FHOD1: variants seen among roughly 807,000 people sequenced by gnomAD.
FHOD1 encodes formin homology 2 domain containing 1.
FHOD1 carries 89 observed loss-of-function variants against 111.6 expected under a neutral mutation model. That is an observed-to-expected ratio of 0.80 (90% CI 0.67 to 0.95). The LOEUF (loss-of-function observed/expected upper bound fraction) is 0.95, where lower values mean the gene tolerates loss of function less well. Among genes scored for constraint, FHOD1 ranks in the 40% least tolerant of loss-of-function variants. FHOD1 has a pLI of 0.00. For synonymous variants in FHOD1, 618 were observed against 639.0 expected (o/e 0.97, Z 0.50); for missense variants, 1,446 against 1,554.2 (o/e 0.93, Z 1.17).
Position 67,237,543 on chromosome 16 carries a change from A to T in FHOD1, c.781T>A (p.Ser261Thr), listed in dbSNP as rs775096284. The T allele has an allele frequency of 6.2e-6, 10 of 1,614,174 alleles. No homozygotes were observed. In the South Asian group the frequency reaches 1.1e-4, roughly 18 times the overall value. The change falls in exon 8 of 22, where the codon TCC (serine) becomes ACC (threonine). Residue 261 changes from serine (S) to threonine (T), a missense_variant. Physicochemically the swap from Ser to Thr is moderately conservative, Grantham distance 58. Transcript: ENST00000258201. This position sits in a 1 kb window ranked among gnomAD's most constrained non-coding sequence, Gnocchi z 5.6. ...GCGCCATTCTTCTCCTCCAGGATGG[A>T]CACCAGATTGGCCCAGGGAGGAGCA... ...TGAPPWANLV[S>T]ILEEKNGADP...
chr16:67,247,028 C>A, intron 1 of FHOD1, 182 bp downstream of exon 1: 1 of 658,762 alleles, frequency 1.5e-6, no homozygotes, highest in East Asian at 3.2e-5. Context: ...TCTTCAGTTT[C>A]CCCTCAACTT....
chr16:67,246,698 C>T (rs2034850625), intron 1 of FHOD1, among the ~76,000 whole-genome samples: 1 of 152,198 alleles, frequency 6.6e-6, no homozygotes, highest in Non-Finnish European at 1.5e-5. Context: ...TCTCCTCGGC[C>T]GGCACTCCCA....
chr16:67,243,979 C>T (rs1343561526), intron 1 of FHOD1, among the ~76,000 whole-genome samples: 1 of 152,140 alleles, frequency 6.6e-6, no homozygotes, highest in Non-Finnish European at 1.5e-5. Context: ...CCTCAGTTTT[C>T]TACAGTCTCC....
In FHOD1 at chr16:67,230,232, G is replaced by T. The variant is rs780976238; in HGVS notation, c.3052-4C>A. Reference sequence around the variant, plus strand: ...CCACACCTGAGAACTTCTCTGTCTGGAGAAAGAAGAAGGGTGAGCTGGGAG... The same window carrying T: ...CCACACCTGAGAACTTCTCTGTCTGTAGAAAGAAGAAGGGTGAGCTGGGAG... On this transcript the variant is annotated splice_region_variant and splice_polypyrimidine_tract_variant and intron_variant, in intron 19 of 21. Coordinates refer to ENST00000258201, the MANE Select transcript of FHOD1 (RefSeq NM_013241.3). 9.9e-6 allele frequency: 16 copies of T among 1,613,812 alleles called. No homozygotes were observed. Among genetic ancestry groups the T allele is most frequent in the Non-Finnish European group, 1.4e-5 (16 of 1,179,858 alleles).
Position 67,231,170 on chromosome 16 carries a change from A to G in FHOD1, c.2667+18T>C. The G allele has an allele frequency of 1.2e-6, 2 of 1,613,486 alleles. No individual in the cohort carries two copies. Among genetic ancestry groups the G allele is most frequent in the East Asian group, 4.5e-5 (2 of 44,874 alleles). Reference sequence around the variant, plus strand: ...CTCATGCCTTGTCCGGCCTTGGTTGATTCTGGCAGGTGCTAACCTTGGCAC... The same window carrying G: ...CTCATGCCTTGTCCGGCCTTGGTTGGTTCTGGCAGGTGCTAACCTTGGCAC... On this transcript the variant is annotated intron_variant, in intron 17 of 21. Transcript: ENST00000258201. The surrounding 1 kb of genome is among the most constrained non-coding windows in gnomAD (Gnocchi z 4.3).
intron 11 of FHOD1, among the ~76,000 whole-genome samples, chr16:67,235,735 T>C (rs1249140289): frequency 6.6e-6 from 1 of 152,150 alleles, no homozygotes; most frequent in African/African-American, 2.4e-5. Context: ...CCCTGCTCGC[T>C]TCTGAGCTGA....
At position 67,237,265 on chromosome 16, in the gene FHOD1, G is replaced by A; in HGVS notation, c.967C>T (p.Leu323=). ...HLGTAGTDVD[L]RTQLVLYENA... ...TCGTAGAGCACAAGCTGCGTGCGCA[G>A]GTCGACGTCAGTGCCCGCAGTGCCC... Residue 323 remains leucine, a synonymous_variant, in exon 9 of 22, where the codon CTG becomes TTG. Coordinates refer to ENST00000258201, the MANE Select transcript of FHOD1 (RefSeq NM_013241.3). The surrounding 1 kb of genome is among the most constrained non-coding windows in gnomAD (Gnocchi z 5.6). 1 of 1,613,890 alleles carries A rather than the reference G, an allele frequency of 6.2e-7. No homozygotes were observed. The highest frequency in any genetic ancestry group is 1.3e-5 in the African/African-American group (1 of 75,078).
At position 67,229,948 on chromosome 16, in the gene FHOD1, G is replaced by T; in HGVS notation, c.3257C>A (p.Pro1086His). Reference protein sequence around the residue: ...SSSPIMPTVGPSTASPEEPPG... With the variant: ...SSSPIMPTVGHSTASPEEPPG... ...GGGTTCTTCTGGGGATGCAGTGGAG[G>T]GCCCCACTGTGGGCATGATTGGGGA... Residue 1086 changes from proline (P) to histidine (H), a missense_variant, in exon 21 of 22, where the codon CCC (proline) becomes CAC (histidine). Coordinates refer to ENST00000258201, the MANE Select transcript of FHOD1 (RefSeq NM_013241.3). The T allele has an allele frequency of 6.2e-7, 1 of 1,614,184 alleles. No homozygotes were observed. Among genetic ancestry groups the T allele is most frequent in the African/African-American group, 1.3e-5 (1 of 75,044 alleles).
intron 17 of FHOD1, 91 bp from the exon 18 acceptor site, chr16:67,230,882 TG>T: frequency 7.3e-7 from 1 of 1,376,036 alleles, no homozygotes; most frequent in Non-Finnish European, 9.8e-7. Context: ...GTGGCCAGCT[TG>T]GGCCCTAAGG....
intron 13 of FHOD1, 60 bp from the exon 14 acceptor site, chr16:67,232,254 A>C: frequency 9.6e-5 from 152 of 1,576,516 alleles, no homozygotes; most frequent in Non-Finnish European, 1.2e-4. Flanking sequence ...GCGGTGGCTC[A>C]CGCCTGTAAT....
At position 67,230,973 on chromosome 16, in the gene FHOD1, G is replaced by A. The variant is rs2034244409; in HGVS notation, c.2668-182C>T. ...TGAATGGGGAGCAGAAGGTTTACTG[G>A]GGGAAGTGGCAGTTAAACAGACCCA... On this transcript the variant is annotated intron_variant, in intron 17 of 21. Transcript: ENST00000258201. The A allele has an allele frequency of 7.2e-6, 6 of 835,474 alleles. No homozygotes were observed. The Admixed American group carries it at 8.7e-5, about 12-fold the overall frequency. The allele number at this position is 835,474 out of a possible 1,614,324, so 51.8% of individuals were successfully genotyped here.
chr16:67,237,160 C>A lies in FHOD1; in HGVS notation c.994-46G>T. The stretch of plus-strand genomic sequence containing the variant: ...TGTAAGAAAGTGGTTAACGTGTATG[C>A]AGGTGGGGTGGGGCGCTGGGGACTG... On this transcript the variant is annotated intron_variant, in intron 9 of 21. Coordinates refer to ENST00000258201, the MANE Select transcript of FHOD1 (RefSeq NM_013241.3). The surrounding 1 kb of genome is among the most constrained non-coding windows in gnomAD (Gnocchi z 5.6). 1 of 1,601,430 alleles carries A rather than the reference C, an allele frequency of 6.2e-7. No homozygotes were observed. Among genetic ancestry groups the A allele is most frequent in the Non-Finnish European group, 8.5e-7 (1 of 1,172,138 alleles).
In FHOD1 at chr16:67,237,697, C is replaced by A; in HGVS notation, c.714G>T (p.Pro238=). The A allele has an allele frequency of 6.2e-7, 1 of 1,614,140 alleles. No individual in the cohort carries two copies. Among genetic ancestry groups the A allele is most frequent in the Non-Finnish European group, 8.5e-7 (1 of 1,180,022 alleles). The part of the protein sequence containing the change: ...VFVEYSENNA[P]LFIRAVNSVA... ...CAGAGTTCACTGCACGGATGAACAGCGGTGCGTTGTTTTCGGAGTATTCTA... is the reference window on the plus strand; with the variant it reads ...CAGAGTTCACTGCACGGATGAACAGAGGTGCGTTGTTTTCGGAGTATTCTA... The change falls in exon 7 of 22, where the codon CCG becomes CCT. Residue 238 remains proline, a synonymous_variant. Transcript: ENST00000258201. The surrounding 1 kb of genome is among the most constrained non-coding windows in gnomAD (Gnocchi z 5.6).
chr16:67,246,956 C>T, intron 1 of FHOD1: 1 of 499,588 alleles, frequency 2.0e-6, no homozygotes, highest in Admixed American at 4.0e-5. Flanking sequence ...ACTCGAGCAC[C>T]TCCCCAGGTG....
In FHOD1 at chr16:67,238,619, A is replaced by G. The variant is rs1171045687; in HGVS notation, c.374-172T>C. On this transcript the variant is annotated intron_variant, in intron 3 of 21. Coordinates refer to ENST00000258201, the MANE Select transcript of FHOD1 (RefSeq NM_013241.3). The surrounding 1 kb of genome is among the most constrained non-coding windows in gnomAD (Gnocchi z 4.2). ...GAGTGTGGAGTGCAGTGGCACAGTC[A>G]TAGCTCACTGCAACCTCAAACTCCT... is the stretch of plus-strand genomic sequence containing the variant. 9.8e-6 allele frequency: 7 copies of G among 712,750 alleles called. No homozygotes were observed. Among genetic ancestry groups the G allele is most frequent in the African/African-American group, 3.5e-5 (2 of 57,174 alleles). The allele number at this position is 712,750 out of a possible 1,614,324, so 44.2% of individuals were successfully genotyped here.
At position 67,229,821 on chromosome 16, in the gene FHOD1, G is replaced by A; in HGVS notation, c.3384C>T (p.Arg1128=). The part of the protein sequence containing the change: ...SSPRALAARE[R]KRSRGNRKSL... Reference sequence around the variant, plus strand: ...ACTTGCGGTTGCCGCGGGAACGCTTGCGTTCCCTAGCAGCTAAGGCACGAG... The same window carrying A: ...ACTTGCGGTTGCCGCGGGAACGCTTACGTTCCCTAGCAGCTAAGGCACGAG... The change falls in exon 21 of 22, where the codon CGC becomes CGT. Residue 1128 remains arginine (R), a synonymous_variant. Coordinates refer to ENST00000258201, the MANE Select transcript of FHOD1 (RefSeq NM_013241.3). The A allele has an allele frequency of 1.2e-6, 2 of 1,614,226 alleles. No individual in the cohort carries two copies. The highest frequency in any genetic ancestry group is 1.7e-6 in the Non-Finnish European group (2 of 1,180,034).
chr16:67,237,424 G>A lies in FHOD1; in HGVS notation c.850-42C>T, dbSNP rs1426446011. 2 of 1,613,764 alleles carry A rather than the reference G, an allele frequency of 1.2e-6. No homozygotes were observed. The highest frequency in any genetic ancestry group is 1.3e-5 in the African/African-American group (1 of 74,926). Reference sequence around the variant, plus strand: ...AGAAGGCAAGGCTGAGGTTGGTGGGGAGGTCAGGAGCCTGAGCATCCCAGA... The same window carrying A: ...AGAAGGCAAGGCTGAGGTTGGTGGGAAGGTCAGGAGCCTGAGCATCCCAGA... On this transcript the variant is annotated intron_variant, in intron 8 of 21. Coordinates refer to ENST00000258201, the MANE Select transcript of FHOD1 (RefSeq NM_013241.3). This position sits in a 1 kb window ranked among gnomAD's most constrained non-coding sequence, Gnocchi z 5.6.
chr16:67,247,108 G>A, intron 1 of FHOD1, 102 bp downstream of exon 1: 2 of 1,313,208 alleles, frequency 1.5e-6, no homozygotes, highest in Non-Finnish European at 2.0e-6. Context: ...TTCCGGAGAA[G>A]AACACTCGCT....
Position 67,237,794 on chromosome 16 carries a change from AG to A in FHOD1, c.643-27del. The A allele has an allele frequency of 1.9e-6, 3 of 1,593,578 alleles. No homozygotes were observed. Among genetic ancestry groups the A allele is most frequent in the Non-Finnish European group, 2.6e-6 (3 of 1,161,462 alleles). ...CTGAGGAGAGAGGTCAGTACATATG[AG>A]TGGGGCTTAGGCCAGACCTGTGCCA... On this transcript the variant is annotated intron_variant, in intron 6 of 21. Coordinates refer to ENST00000258201, the MANE Select transcript of FHOD1 (RefSeq NM_013241.3). The surrounding 1 kb of genome is among the most constrained non-coding windows in gnomAD (Gnocchi z 5.6).
Sources: gnomAD v4.1 joint callset for allele counts (sites outside exome capture counted in the v4.1 genomes callset) on GRCh38, gnomAD v4.1.1 for gene constraint, Gnocchi (gnomAD v3.1) non-coding constraint, MANE v1.5 for transcripts, NCBI Gene and HGNC (gene_info 2026-07-23, HGNC 2026-07-21) for gene names.